The following DOP1B variants were observed in gnomAD, a reference collection of about 807,000 sequenced individuals.
The protein encoded by DOP1B is DOP1 leucine zipper like protein B, also known as protein DOP1B.
In DOP1B, 174 loss-of-function variants were observed where a neutral mutation model predicts 233.5. The observed-to-expected ratio is 0.75, with a 90% CI of 0.66 to 0.85. The LOEUF (loss-of-function observed/expected upper bound fraction) is 0.85, where lower values mean the gene tolerates loss of function less well. Among genes scored for constraint, DOP1B ranks in the 40% least tolerant of loss-of-function variants. The pLI is 0.00. For synonymous variants in DOP1B, 1,190 were observed against 1,185.6 expected (o/e 1.00, Z -0.08); for missense variants, 2,652 against 2,846.6 (o/e 0.93, Z 1.56).
At chr21:36,206,989 C>T (rs562657155) in intron 4 of DOP1B, among the ~76,000 whole-genome samples, 11 of 152,196 alleles carry the variant, frequency 7.2e-5, no homozygotes, top group South Asian at 4.1e-4. Context: ...TTTAATATAA[C>T]GCGATGGTAG....
At position 36,246,321 on chromosome 21, in the gene DOP1B, G is replaced by T. The variant is rs2123594170; in HGVS notation, c.4341G>T (p.Val1447=). ...TTGAGCTGCTGAAGCTGCTGCAGGT[G>T]CTGATTGTCTTGGAACACCACCTGG... ...LQIELLKLLQ[V]LIVLEHHLGR... is the part of the protein sequence containing the mutation. Residue 1447 remains valine (V), a synonymous_variant, in exon 19 of 37, where the codon GTG becomes GTT. Transcript: ENST00000691173. This position sits in a 1 kb window ranked among gnomAD's most constrained non-coding sequence, Gnocchi z 5.1. 3 of 1,613,918 alleles carry T rather than the reference G, an allele frequency of 1.9e-6. No individual in the cohort carries two copies. Among genetic ancestry groups the T allele is most frequent in the South Asian group, 2.2e-5 (2 of 91,074 alleles).
chr21:36,219,312 CACTT>C (rs2066597294), intron 9 of DOP1B, 56 bp from the exon 10 acceptor site: 34 of 1,605,428 alleles, frequency 2.1e-5, no homozygotes, highest in Non-Finnish European at 2.9e-5. Context: ...ATACATATGT[CACTT>C]ACTGATTTAA....
chr21:36,278,540 A>C (rs1474553841), intron 30 of DOP1B, among the ~76,000 whole-genome samples, 185 bp downstream of exon 30: 3 of 152,178 alleles, frequency 2.0e-5, no homozygotes, highest in African/African-American at 2.4e-5. Flanking sequence ...AGTCTTTTAA[A>C]GTACAAAGAG....
At chr21:36,274,447 A>G (rs1238640213) in intron 27 of DOP1B, among the ~76,000 whole-genome samples, 1 of 152,218 alleles carries the variant, frequency 6.6e-6, no homozygotes, top group Non-Finnish European at 1.5e-5. Context: ...CATTTCGTAG[A>G]GAAAAATTGA....
In DOP1B at chr21:36,223,314, G is replaced by T; in HGVS notation, c.1334G>T (p.Trp445Leu). The T allele has an allele frequency of 6.2e-7, 1 of 1,610,424 alleles. No individual in the cohort carries two copies. Among genetic ancestry groups the T allele is most frequent in the Non-Finnish European group, 8.5e-7 (1 of 1,179,212 alleles). Residue 445 changes from tryptophan (W) to leucine (L), a missense_variant, in exon 11 of 37, where the codon TGG (tryptophan) becomes TTG (leucine). Physicochemically the swap from Trp to Leu is moderately conservative, Grantham distance 61 (BLOSUM62 -2). Around this residue, in one of 3 missense-constraint regions of DOP1B, gnomAD observed 2,617 missense variants for 2,794.3 expected, o/e 0.94. Transcript: ENST00000691173. The stretch of plus-strand genomic sequence containing the variant: ...ACTTCTCTAAGCACAGACTTTCTCT[G>T]GGATTATATGACAAGGTGTTTTGAG... ...LITSLSTDFLWDYMTRCFEEC... is the reference protein window; with the variant it reads ...LITSLSTDFLLDYMTRCFEEC...
chr21:36,222,303 A>G (rs34567839), intron 10 of DOP1B, among the ~76,000 whole-genome samples: 103,638 of 151,824 alleles, frequency 0.68, 35,738 homozygotes, highest in East Asian at 0.82. Context: ...TTAAGGCTGG[A>G]TGCTATGGCT....
intron 2 of DOP1B, among the ~76,000 whole-genome samples, chr21:36,191,871 G>A (rs1031447387): frequency 8.6e-5 from 13 of 151,898 alleles, no homozygotes; most frequent in South Asian, 2.1e-4. Flanking sequence ...TTCTCTTTAT[G>A]CTATTGTGGT....
chr21:36,158,838 A>G (rs991879781), intron 1 of DOP1B, among the ~76,000 whole-genome samples: 15 of 150,890 alleles, frequency 9.9e-5, no homozygotes, highest in Non-Finnish European at 1.8e-4. Flanking sequence ...AAAGAAATGC[A>G]TGCATAAGGC....
Position 36,263,601 on chromosome 21 carries a change from G to A in DOP1B, c.5371G>A (p.Glu1791Lys). ...TTCTTCACTGTTGGGAGTATTGAAA[G>A]AGTCTGTACAGTTGAATCTAGCCCC... is the stretch of plus-strand genomic sequence containing the variant. ...NFSSLLGVLKESVQLNLAPPG... is the reference protein window; with the variant it reads ...NFSSLLGVLKKSVQLNLAPPG... The change falls in exon 25 of 37, where the codon GAG becomes AAG. Residue 1791 changes from glutamate (E) to lysine (K), a missense_variant. Physicochemically the swap from Glu to Lys is moderately conservative, Grantham distance 56. This residue lies in a region of DOP1B where 2,617 missense variants were observed against 2,794.3 expected (regional missense o/e 0.94). Coordinates refer to ENST00000691173, the MANE Select transcript of DOP1B (RefSeq NM_001320714.2). 1 of 1,614,184 alleles carries A rather than the reference G, an allele frequency of 6.2e-7. No homozygotes were observed. The highest frequency in any genetic ancestry group is 8.5e-7 in the Non-Finnish European group (1 of 1,180,044).
At chr21:36,250,185 A>T (rs1230833970) in intron 21 of DOP1B, among the ~76,000 whole-genome samples, 1 of 152,178 alleles carries the variant, frequency 6.6e-6, no homozygotes, top group Non-Finnish European at 1.5e-5. Context: ...TCTAGAGCAG[A>T]AGCCATGGTG....
intron 2 of DOP1B, among the ~76,000 whole-genome samples, chr21:36,196,022 G>A (rs1006338310): frequency 1.3e-5 from 2 of 152,208 alleles, no homozygotes; most frequent in Admixed American, 6.5e-5. Context: ...AGTATGTCAC[G>A]TTGCCGTGCC....
chr21:36,169,239 C>A, intron 2 of DOP1B: 1 of 946,082 alleles, frequency 1.1e-6, no homozygotes. Flanking sequence ...CCCAGAAGGT[C>A]GATGCTCTTG....
intron 4 of DOP1B, among the ~76,000 whole-genome samples, chr21:36,204,715 C>T (rs912819226): frequency 2.2e-5 from 3 of 135,464 alleles, no homozygotes; most frequent in Admixed American, 1.7e-4. Flanking sequence ...AGTGCAGTGG[C>T]GCAATCTTGG....
At chr21:36,197,107 T>G (rs1168874277) in intron 2 of DOP1B, among the ~76,000 whole-genome samples, 1 of 152,060 alleles carries the variant, frequency 6.6e-6, no homozygotes, top group African/African-American at 2.4e-5. Context: ...TAATTTTTTG[T>G]GTCTTTAGTA....
At chr21:36,251,930 G>A (rs2067036487) in intron 22 of DOP1B, among the ~76,000 whole-genome samples, 1 of 152,188 alleles carries the variant, frequency 6.6e-6, no homozygotes, top group Non-Finnish European at 1.5e-5. Flanking sequence ...AAATGGCACA[G>A]TGGCTCACAC....
At chr21:36,242,057 A>C (rs1428713564) in intron 18 of DOP1B, among the ~76,000 whole-genome samples, 2 of 152,112 alleles carry the variant, frequency 1.3e-5, no homozygotes, top group African/African-American at 4.8e-5. Context: ...GAACCTTCTT[A>C]AAAGTTTGGC....
At chr21:36,260,641 C>G (rs766707574) in intron 23 of DOP1B, 36 bp from the exon 24 acceptor site, 1 of 1,612,254 alleles carries the variant, frequency 6.2e-7, no homozygotes, top group Non-Finnish European at 8.5e-7. Context: ...TTATTTCCCA[C>G]CAACTCGGAG....
intron 30 of DOP1B, among the ~76,000 whole-genome samples, chr21:36,279,208 G>A (rs1050506209): frequency 6.6e-6 from 1 of 151,230 alleles, no homozygotes; most frequent in African/African-American, 2.4e-5. Context: ...CCCAGGAGTT[G>A]GAGACCAGCC....
chr21:36,174,740 T>C (rs896683069), intron 2 of DOP1B, among the ~76,000 whole-genome samples: 9 of 152,096 alleles, frequency 5.9e-5, no homozygotes, highest in African/African-American at 2.2e-4. Context: ...CTCAAATTCC[T>C]GAGCTCGAGT....
Sources: gnomAD v4.1 joint callset for allele counts (sites outside exome capture counted in the v4.1 genomes callset) on GRCh38, gnomAD v4.1.1 for gene constraint, gnomAD v4.1.1 regional missense constraint, Gnocchi (gnomAD v3.1) non-coding constraint, MANE v1.5 for transcripts, NCBI Gene and HGNC (gene_info 2026-07-23, HGNC 2026-07-21) for gene names.